TTC7B: variants seen among roughly 807,000 people sequenced by gnomAD.
TTC7B encodes tetratricopeptide repeat protein 7B.
Under a neutral mutation model 106.8 loss-of-function variants are expected in TTC7B, and 28 were observed. The observed-to-expected ratio is 0.26, with a 90% CI of 0.19 to 0.36. The LOEUF (loss-of-function observed/expected upper bound fraction) is 0.36. Ranked by LOEUF, TTC7B falls within the 10% of genes least tolerant of loss-of-function variation. The probability of loss-of-function intolerance (pLI) is 1.00; values close to 1 mark genes in which losing one functional copy is unlikely to be tolerated. For synonymous variants in TTC7B, 405 were observed against 430.6 expected, an observed-to-expected ratio of 0.94 and a Z score of 0.74; for missense variants, 862 against 1,076.4, an observed-to-expected ratio of 0.80 and a Z score of 2.79.
intron 4 of TTC7B, among the ~76,000 whole-genome samples, chr14:90,740,438 A>G (rs1449173414): frequency 1.3e-5 from 2 of 151,946 alleles, no homozygotes; most frequent in African/African-American, 4.8e-5. Context: ...CAAGAAAGGG[A>G]AAAGCAAATT....
At chr14:90,708,033 C>A (rs1031173891) in intron 5 of TTC7B, among the ~76,000 whole-genome samples, 10 of 151,312 alleles carry the variant, frequency 6.6e-5, no homozygotes, top group Admixed American at 2.6e-4. Flanking sequence ...GTAATCCCAG[C>A]TACTCCAGAG....
chr14:90,632,434 C>A (rs1359644732), intron 15 of TTC7B, among the ~76,000 whole-genome samples: 1 of 152,172 alleles, frequency 6.6e-6, no homozygotes, highest in Non-Finnish European at 1.5e-5. Flanking sequence ...ATTAGTCTCA[C>A]TTGCCAAGTA....
chr14:90,736,893 TAAAAAAAAAAAA>T (rs58051350), intron 4 of TTC7B, among the ~76,000 whole-genome samples: 1 of 91,924 alleles, frequency 1.1e-5, no homozygotes, highest in Non-Finnish European at 2.0e-5. Flanking sequence ...CCATGTCTCT[TAAAAAAAAAAAA>T]AAAAAAAAAA....
chr14:90,694,747 A>G (rs866395945), intron 6 of TTC7B, among the ~76,000 whole-genome samples: 1 of 135,314 alleles, frequency 7.4e-6, no homozygotes, highest in Non-Finnish European at 1.5e-5. Context: ...ATTTTATTTT[A>G]TATAAAATAA....
chr14:90,604,824 G>GTTCTGGAAC (rs1595197649), intron 17 of TTC7B, among the ~76,000 whole-genome samples: 1 of 152,114 alleles, frequency 6.6e-6, no homozygotes, highest in East Asian at 1.9e-4. Flanking sequence ...TCATGGACAG[G>GTTCTGGAAC]TTCTGGAACT....
In TTC7B at chr14:90,525,170, T is replaced by G. The variant is rs1889118150; in HGVS notation, c.*16198A>C. On this transcript the variant is annotated 3_prime_UTR_variant, in exon 20 of 20. Coordinates refer to ENST00000328459, the MANE Select transcript of TTC7B (RefSeq NM_001010854.2). ...TCCCTCACTCTAGATTAGTCCACAT[T>G]TTCTAGAGTTTTCTATAAATGGAAT... 1 of 152,004 alleles carries G rather than the reference T, an allele frequency of 6.6e-6. No homozygotes were observed. Among genetic ancestry groups the G allele is most frequent in the African/African-American group, 2.4e-5 (1 of 41,372 alleles). The allele number at this position is 152,004 out of a possible 1,614,324, so 9.4% of individuals were successfully genotyped here.
intron 7 of TTC7B, among the ~76,000 whole-genome samples, chr14:90,682,021 G>A (rs191753978): frequency 6.6e-6 from 1 of 152,136 alleles, no homozygotes; most frequent in Non-Finnish European, 1.5e-5. Flanking sequence ...ATGTGTGCAC[G>A]CACACACCCA....
intron 4 of TTC7B, among the ~76,000 whole-genome samples, chr14:90,736,184 A>G (rs909032442): frequency 1.3e-5 from 2 of 152,002 alleles, no homozygotes; most frequent in Admixed American, 6.6e-5. Flanking sequence ...ATGAACCCCA[A>G]CTACATTTGG....
At chr14:90,779,196 C>T (rs143393984) in intron 3 of TTC7B, among the ~76,000 whole-genome samples, 85 of 152,382 alleles carry the variant, frequency 5.6e-4, no homozygotes, top group Non-Finnish European at 1.0e-3. Context: ...TGTCCCTCTT[C>T]CTCTAGGAAG....
chr14:90,557,999 C>T (rs1890397177), intron 19 of TTC7B, among the ~76,000 whole-genome samples: 1 of 152,250 alleles, frequency 6.6e-6, no homozygotes, highest in African/African-American at 2.4e-5. Flanking sequence ...AGTAGACACT[C>T]AATAAGTGGT....
In TTC7B at chr14:90,689,604, G is replaced by A. The variant is rs746226489; in HGVS notation, c.886C>T (p.Arg296Cys). Residue 296 changes from arginine to cysteine, a missense_variant, in exon 7 of 20, where the codon CGC (arginine) becomes TGC (cysteine). Coordinates refer to ENST00000328459, the MANE Select transcript of TTC7B (RefSeq NM_001010854.2). Reference protein sequence around the residue: ...PCQSPLDDPLRKGANTKTYTL... With the variant: ...PCQSPLDDPLCKGANTKTYTL... ...TAGGTTTTTGTGTTTGCTCCTTTGC[G>A]GAGAGGATCGTCCAGAGGTGACTGG... The A allele has an allele frequency of 2.1e-5, 34 of 1,613,982 alleles. No homozygotes were observed. In the Middle Eastern group the frequency reaches 9.9e-4, roughly 47 times the overall value.
intron 3 of TTC7B, chr14:90,766,727 G>A (rs1317020456): frequency 1.4e-5 from 22 of 1,543,578 alleles, no homozygotes; most frequent in Middle Eastern, 4.6e-4. Context: ...GAGGTGGAAC[G>A]TGTGATCACC....
At chr14:90,649,048 T>G (rs1472572996) in intron 13 of TTC7B, among the ~76,000 whole-genome samples, 2 of 152,228 alleles carry the variant, frequency 1.3e-5, no homozygotes, top group Non-Finnish European at 2.9e-5. Flanking sequence ...AAAGGCCCCA[T>G]GCTGGCCTCA....
intron 14 of TTC7B, 72 bp from the exon 15 acceptor site, chr14:90,644,280 CG>C (rs2139882120): frequency 8.4e-6 from 1 of 119,474 alleles, no homozygotes; most frequent in East Asian, 4.2e-4. Flanking sequence ...CACACACACA[CG>C]CGCGAAAGAA....
At chr14:90,610,905 C>G in intron 16 of TTC7B, 66 bp from the exon 17 acceptor site, 1 of 1,030,928 alleles carries the variant, frequency 9.7e-7, no homozygotes, top group Non-Finnish European at 1.5e-6. Flanking sequence ...AGAGAGGCAA[C>G]CAATACTGAC....
chr14:90,603,503 G>A (rs1480993471), intron 17 of TTC7B, among the ~76,000 whole-genome samples: 2 of 152,066 alleles, frequency 1.3e-5, no homozygotes, highest in Non-Finnish European at 2.9e-5. Context: ...GGCCAACTGG[G>A]CATTCCCCTA....
rs965937866 is a variant in TTC7B at position 90,542,732 on chromosome 14, G to T, written c.2311-1143C>A. On this transcript the variant is annotated intron_variant, in intron 19 of 19. Coordinates refer to ENST00000328459, the MANE Select transcript of TTC7B (RefSeq NM_001010854.2). Reference sequence around the variant, plus strand: ...TAAACAGACAAAAAGGAACAACTTGGTGGGGTGGGTGGGGTGGGGAGGGGA... The same window carrying T: ...TAAACAGACAAAAAGGAACAACTTGTTGGGGTGGGTGGGGTGGGGAGGGGA... 2.8e-4 allele frequency among the ~76,000 whole-genome samples: 42 copies of T among 151,364 alleles called. 1 individual carries two copies. The highest frequency in any genetic ancestry group is 4.6e-4 in the Non-Finnish European group (31 of 67,878).
intron 15 of TTC7B, among the ~76,000 whole-genome samples, chr14:90,626,681 C>G (rs1200056045): frequency 6.6e-6 from 1 of 152,204 alleles, no homozygotes; most frequent in Non-Finnish European, 1.5e-5. Context: ...TGACACAACC[C>G]TGCTAGCAGA....
chr14:90,669,469 C>A (rs1047710222), intron 9 of TTC7B, among the ~76,000 whole-genome samples: 1 of 150,692 alleles, frequency 6.6e-6, no homozygotes, highest in Non-Finnish European at 1.5e-5. Flanking sequence ...GAAGCCAAGA[C>A]GGGAGGATCA....
Sources: allele counts gnomAD v4.1 joint callset (sites outside exome capture counted in the v4.1 genomes callset), GRCh38; gene constraint gnomAD v4.1.1; transcripts MANE v1.5; gene names NCBI Gene and HGNC (gene_info 2026-07-23, HGNC 2026-07-21).